ABCB4: variants seen among roughly 807,000 people sequenced by gnomAD.
ABCB4 encodes ATP binding cassette subfamily B member 4, also known as phosphatidylcholine translocator ABCB4.
ABCB4 carries 76 observed loss-of-function variants against 145.7 expected under a neutral mutation model. That is an observed-to-expected ratio of 0.52 (90% CI 0.43 to 0.63). The LOEUF (loss-of-function observed/expected upper bound fraction) is 0.63, where lower values mean the gene tolerates loss of function less well. Ranked by LOEUF, ABCB4 falls within the 30% of genes least tolerant of loss-of-function variation. The pLI is 0.00. For synonymous variants in ABCB4, 517 were observed against 566.8 expected (o/e 0.91, Z 1.25); for missense variants, 1,234 against 1,553.1 (o/e 0.79, Z 3.45).
intron 2 of ABCB4, among the ~76,000 whole-genome samples, chr7:87,474,538 G>C (rs890828554): frequency 6.6e-6 from 1 of 152,156 alleles, no homozygotes; most frequent in Non-Finnish European, 1.5e-5. Context: ...TACAGAGACT[G>C]ATAAATTTGT....
At chr7:87,395,011 A>G in the ABCB4 span, among the ~76,000 whole-genome samples, 1,918 of 152,232 alleles carry the variant, frequency 0.013, 39 homozygotes, top group African/African-American at 0.043. Context: ...CACAAAGGAC[A>G]TTTGTTAGTA....
intron 25 of ABCB4, 143 bp downstream of exon 25, chr7:87,407,894 G>T: frequency 1.0e-6 from 1 of 980,744 alleles, no homozygotes; most frequent in African/African-American, 1.6e-5. Context: ...CCCAGATATG[G>T]TGCCAGTTGG....
intron 6 of ABCB4, 45 bp from the exon 7 acceptor site, chr7:87,451,839 T>A: frequency 6.3e-7 from 1 of 1,590,466 alleles, no homozygotes; most frequent in Non-Finnish European, 8.6e-7. Context: ...GAGGTTTCAG[T>A]TAGAAAGATG....
At chr7:87,412,538 A>G (rs961587017) in intron 22 of ABCB4, among the ~76,000 whole-genome samples, 1 of 152,164 alleles carries the variant, frequency 6.6e-6, no homozygotes, top group Non-Finnish European at 1.5e-5. Flanking sequence ...CCCAAGCTAG[A>G]TCCTGCCAGC....
downstream of ABCB4, among the ~76,000 whole-genome samples, chr7:87,398,103 C>CT (rs5885580): frequency 0.65 from 94,805 of 144,956 alleles, 31,923 homozygotes; most frequent in Middle Eastern, 0.75. Flanking sequence ...CCTTCTCTGC[C>CT]TTTTTTTTTT....
chr7:87,439,667 C>T lies in ABCB4; in HGVS notation c.1731G>A (p.Lys577=). ...CTTCAGCTTTTTAGAGTCTACTGAC[C>T]TTATCCAGAGCTGCCTGTACCTCAG... ...SEAEVQAALD[K]AREGRTTIVI... The change falls in exon 14 of 28, where the codon AAG becomes AAA. Residue 577 remains lysine, a splice_region_variant and synonymous_variant. Transcript: ENST00000649586. 1 of 1,614,142 alleles carries T rather than the reference C, an allele frequency of 6.2e-7. No individual in the cohort carries two copies. Among genetic ancestry groups the T allele is most frequent in the Non-Finnish European group, 8.5e-7 (1 of 1,180,008 alleles).
At chr7:87,398,632 T>C (rs2116261537), downstream of ABCB4, 1 of 1,613,262 alleles carries the variant, frequency 6.2e-7, no homozygotes, top group South Asian at 1.1e-5. Context: ...TGATGAACTC[T>C]ACTCATCTTT....
chr7:87,406,625 A>C (rs1034173962), intron 25 of ABCB4, 131 bp from the exon 26 acceptor site: 1 of 961,162 alleles, frequency 1.0e-6, no homozygotes, highest in Admixed American at 2.3e-5. Context: ...ACCCTCCAAG[A>C]CTTATACCAT....
At chr7:87,390,257 A>AAG in the ABCB4 span, among the ~76,000 whole-genome samples, 6 of 152,212 alleles carry the variant, frequency 3.9e-5, no homozygotes, top group Admixed American at 3.9e-4. Flanking sequence ...TTTTAAGATT[A>AAG]AGAGTGTGTT....
chr7:87,416,595 T>G (rs529367028), intron 21 of ABCB4, among the ~76,000 whole-genome samples: 1 of 151,276 alleles, frequency 6.6e-6, no homozygotes, highest in Admixed American at 6.6e-5. Context: ...ATGTGTAGAT[T>G]TAGACACTTA....
Position 87,447,901 on chromosome 7 carries a change from A to G in ABCB4, c.834-696T>C, listed in dbSNP as rs189065740. ...AAGATAATTGTGAGGTTGGTAGATAATTGTAGAAAGTAGTACAGTAGCTGG... is the reference window on the plus strand; with the variant it reads ...AAGATAATTGTGAGGTTGGTAGATAGTTGTAGAAAGTAGTACAGTAGCTGG... On this transcript the variant is annotated intron_variant, in intron 8 of 27. Coordinates refer to ENST00000649586, the MANE Select transcript of ABCB4 (RefSeq NM_000443.4). Among the ~76,000 whole-genome samples, 25 of 152,322 alleles carry G rather than the reference A, an allele frequency of 1.6e-4. 1 individual carries two copies. The highest frequency in any genetic ancestry group is 5.5e-4 in the African/African-American group (23 of 41,582).
intron 14 of ABCB4, among the ~76,000 whole-genome samples, chr7:87,438,817 A>C (rs896699953): frequency 1.2e-4 from 19 of 152,212 alleles, no homozygotes; most frequent in African/African-American, 4.1e-4. Context: ...TACAGTTTAC[A>C]GCATAAAAGG....
At chr7:87,383,066 A>G in the ABCB4 span, among the ~76,000 whole-genome samples, 2 of 152,206 alleles carry the variant, frequency 1.3e-5, no homozygotes, top group Non-Finnish European at 2.9e-5. Context: ...AAATCACGGT[A>G]ATTGGGATGT....
At chr7:87,375,826 A>G in the ABCB4 span, 1 of 1,613,354 alleles carries the variant, frequency 6.2e-7, no homozygotes. Flanking sequence ...CTTGCCCTTT[A>G]GGCACGAGAA....
At chr7:87,472,349 T>C (rs1813485367) in intron 3 of ABCB4, among the ~76,000 whole-genome samples, 1 of 152,144 alleles carries the variant, frequency 6.6e-6, no homozygotes, top group Admixed American at 6.5e-5. Context: ...TAGCTGGGAC[T>C]ACAGGTTCAT....
chr7:87,384,609 A>G, the ABCB4 span, among the ~76,000 whole-genome samples: 21 of 152,318 alleles, frequency 1.4e-4, no homozygotes, highest in Non-Finnish European at 2.6e-4. Flanking sequence ...TAAGTTCCTT[A>G]TATATTCTGA....
At chr7:87,451,880 T>C in intron 6 of ABCB4, 86 bp from the exon 7 acceptor site, 1 of 1,330,804 alleles carries the variant, frequency 7.5e-7, no homozygotes, top group Non-Finnish European at 1.1e-6. Flanking sequence ...CATAGACAAG[T>C]AAAATTTGTT....
intron 2 of ABCB4, among the ~76,000 whole-genome samples, chr7:87,474,394 C>T (rs1032209123): frequency 6.6e-6 from 1 of 152,258 alleles, no homozygotes; most frequent in Admixed American, 6.5e-5. Flanking sequence ...TGAAAAAATA[C>T]AATGGTGCTT....
At chr7:87,433,101 TA>T (rs1204514672) in intron 14 of ABCB4, among the ~76,000 whole-genome samples, 4 of 152,186 alleles carry the variant, frequency 2.6e-5, no homozygotes, top group Non-Finnish European at 4.4e-5. Context: ...ATAAATATGG[TA>T]CTACCTATTG....
Sources: allele counts gnomAD v4.1 joint callset (sites outside exome capture counted in the v4.1 genomes callset), GRCh38; gene constraint gnomAD v4.1.1; transcripts MANE v1.5; gene names NCBI Gene and HGNC (gene_info 2026-07-23, HGNC 2026-07-21).